The following PTPN20 variants were observed in gnomAD, a reference collection of about 807,000 sequenced individuals.
PTPN20 encodes tyrosine-protein phosphatase non-receptor type 20.
A neutral mutation model predicts 35.0 loss-of-function variants in PTPN20; 9 were observed. That is an observed-to-expected ratio of 0.26 (90% CI 0.15 to 0.45). PTPN20 has a LOEUF of 0.45. PTPN20 is among the 20% of genes least tolerant of loss of function. The pLI, the probability that PTPN20 is intolerant of heterozygous loss-of-function variation, is 1.00. For synonymous variants in PTPN20, 32 were observed against 100.2 expected, an observed-to-expected ratio of 0.32 and a Z score of 4.06; for missense variants, 111 against 312.5, an observed-to-expected ratio of 0.36 and a Z score of 4.86.
At chr10:46,968,544 G>A (rs536145917) in intron 7 of PTPN20, among the ~76,000 whole-genome samples, 4,827 of 151,314 alleles carry the variant, frequency 0.032, no homozygotes, top group Non-Finnish European at 0.053. Flanking sequence ...GGATGGGAGG[G>A]TAGTGGCACC....
chr10:46,949,556 T>G lies in PTPN20; in HGVS notation c.340+2881T>G, dbSNP rs1416699429. Among the ~76,000 whole-genome samples the G allele has an allele frequency of 2.7e-3, 410 of 150,394 alleles. 7 individuals carry two copies. The highest frequency in any genetic ancestry group is 8.7e-3 in the African/African-American group (353 of 40,748). ...GGTTCAATAAAATTTTGATTTAGTG[T>G]TTTTTTTTCAACTTATGTATATTGT... On this transcript the variant is annotated intron_variant, in intron 5 of 10. Transcript: ENST00000374339.
intron 9 of PTPN20, among the ~76,000 whole-genome samples, chr10:46,992,151 C>G (rs1162556896): frequency 5.1e-5 from 7 of 137,240 alleles, no homozygotes; most frequent in African/African-American, 1.9e-4. Context: ...GAGACAGAGT[C>G]TTGGTCTGTC....
chr10:46,996,655 A>G (rs2059148964), intron 9 of PTPN20, among the ~76,000 whole-genome samples: 1 of 152,204 alleles, frequency 6.6e-6, no homozygotes, highest in Non-Finnish European at 1.5e-5. Context: ...TTTTGAGTTA[A>G]TAAATTATTA....
chr10:46,938,991 G>A (rs1589372664), intron 2 of PTPN20, among the ~76,000 whole-genome samples: 1 of 152,040 alleles, frequency 6.6e-6, no homozygotes, highest in South Asian at 2.1e-4. Flanking sequence ...TTATTGGCCT[G>A]TAAGTCGCCT....
downstream of PTPN20, among the ~76,000 whole-genome samples, chr10:47,003,495 CTTA>C (rs1254514137): frequency 2.0e-5 from 3 of 152,046 alleles, no homozygotes; most frequent in African/African-American, 7.2e-5. Context: ...TATTAGCAAA[CTTA>C]TTATGAAGTT....
chr10:46,940,545 T>G, intron 2 of PTPN20, 78 bp from the exon 3 acceptor site: 1 of 1,463,170 alleles, frequency 6.8e-7, no homozygotes, highest in Non-Finnish European at 9.5e-7. Flanking sequence ...TGTAGCTTGT[T>G]TTTTCTCATT....
At chr10:46,975,754 TG>T (rs1315247372) in intron 7 of PTPN20, among the ~76,000 whole-genome samples, 1 of 152,136 alleles carries the variant, frequency 6.6e-6, no homozygotes, top group Non-Finnish European at 1.5e-5. Flanking sequence ...CTTTGCCTCC[TG>T]GGTTCAAGCG....
rs1283637195 is a variant in PTPN20 at position 47,002,142 on chromosome 10, T to C, written c.*1401T>C. On this transcript the variant is annotated 3_prime_UTR_variant, in exon 11 of 11. Transcript: ENST00000374339. The stretch of plus-strand genomic sequence containing the variant: ...ATTTGATGTTAAATCAAATAGATGA[T>C]TCTGTTTACATTGTTCATATGAATA... 6.6e-6 allele frequency: 1 copy of C among 152,312 alleles called. No homozygotes were observed. The highest frequency in any genetic ancestry group is 1.9e-4 in the East Asian group (1 of 5,204). 9.4% of individuals were successfully genotyped at this position (152,312 alleles called of 1,614,324 possible).
At chr10:46,940,878 G>C (rs1555134655) in intron 3 of PTPN20, among the ~76,000 whole-genome samples, 161 bp downstream of exon 3, 1 of 151,856 alleles carries the variant, frequency 6.6e-6, no homozygotes, top group Admixed American at 6.6e-5. Context: ...ATTTGAAAGA[G>C]TGGAATTTTT....
At chr10:46,940,534 A>G in intron 2 of PTPN20, 89 bp from the exon 3 acceptor site, 2 of 1,389,476 alleles carry the variant, frequency 1.4e-6, no homozygotes, top group Non-Finnish European at 2.0e-6. Context: ...AATGCCCCTC[A>G]TGTAGCTTGT....
intron 1 of PTPN20, chr10:46,926,238 C>T (rs2037329678): frequency 1.1e-6 from 1 of 883,034 alleles, no homozygotes; most frequent in Admixed American, 6.2e-5. Context: ...TATATAAGCC[C>T]ACTGACTGCA....
At chr10:46,984,618 CT>C in intron 8 of PTPN20, 54 bp downstream of exon 8, 2 of 985,866 alleles carry the variant, frequency 2.0e-6, no homozygotes, top group Non-Finnish European at 3.0e-6. Context: ...AAGCAGATGT[CT>C]TAGAACTAGA....
At chr10:46,932,678 G>A (rs1297748748) in intron 2 of PTPN20, 145 bp downstream of exon 2, 3 of 1,441,216 alleles carry the variant, frequency 2.1e-6, no homozygotes, top group Admixed American at 1.7e-5. Flanking sequence ...TGGGGTGGGG[G>A]GCAAGACTCT....
chr10:47,003,132 C>T (rs1439259561), downstream of PTPN20, among the ~76,000 whole-genome samples: 2 of 152,098 alleles, frequency 1.3e-5, no homozygotes, highest in African/African-American at 4.8e-5. Flanking sequence ...CTGGAACACT[C>T]ATTTGTCTAT....
intron 2 of PTPN20, among the ~76,000 whole-genome samples, chr10:46,937,950 C>CTTTTTTT: frequency 7.9e-6 from 1 of 127,180 alleles, no homozygotes; most frequent in Non-Finnish European, 1.6e-5. Context: ...TTTTTCTTTT[C>CTTTTTTT]TTTTTTTTTT....
intron 9 of PTPN20, among the ~76,000 whole-genome samples, chr10:46,999,061 C>T (rs1156491363): frequency 3.3e-5 from 5 of 152,208 alleles, no homozygotes; most frequent in African/African-American, 1.2e-4. Context: ...CCGCTGTACT[C>T]CAGCAGCTGA....
intron 9 of PTPN20, among the ~76,000 whole-genome samples, chr10:46,996,799 C>A (rs1276269139): frequency 1.3e-5 from 2 of 152,068 alleles, no homozygotes. Flanking sequence ...TTTGTATGGG[C>A]CTATTTCTGG....
intron 1 of PTPN20, among the ~76,000 whole-genome samples, chr10:46,929,791 G>T (rs1203832347): frequency 1.4e-5 from 2 of 147,446 alleles, no homozygotes; most frequent in Non-Finnish European, 2.9e-5. Context: ...TATGGTAAAA[G>T]CTTGCACTAT....
intron 7 of PTPN20, among the ~76,000 whole-genome samples, chr10:46,968,571 CAGTT>C (rs752954841): frequency 1.3e-5 from 2 of 152,206 alleles, no homozygotes; most frequent in Non-Finnish European, 2.9e-5. Context: ...CCTCCTCACT[CAGTT>C]ACTCTTAGGA....
Sources: allele counts gnomAD v4.1 joint callset (sites outside exome capture counted in the v4.1 genomes callset), GRCh38; gene constraint gnomAD v4.1.1; transcripts MANE v1.5; gene names NCBI Gene and HGNC (gene_info 2026-07-23, HGNC 2026-07-21).